Variants in PTPRD observed in about 807,000 individuals in gnomAD.
The protein encoded by PTPRD is receptor-type tyrosine-protein phosphatase delta.
Under a neutral mutation model 214.5 loss-of-function variants are expected in PTPRD, and 34 were observed. The ratio of observed to expected loss-of-function variants is 0.16; its 90% CI spans 0.12 to 0.21. The LOEUF (loss-of-function observed/expected upper bound fraction) is 0.21, where lower values mean the gene tolerates loss of function less well. Among genes scored for constraint, PTPRD ranks in the 10% least tolerant of loss-of-function variants. The pLI is 1.00. For missense variants in PTPRD, 2,545 were observed against 2,398.7 expected (o/e 1.06, Z -1.27); for synonymous variants, 1,128 against 845.7 (o/e 1.33, Z -5.79).
chr9:9,574,127 T>C (rs558046131), intron 8 of PTPRD, among the ~76,000 whole-genome samples: 6 of 152,064 alleles, frequency 3.9e-5, no homozygotes, highest in Non-Finnish European at 7.4e-5. Context: ...AATAAACTCA[T>C]ATTTATGTAT....
intron 10 of PTPRD, among the ~76,000 whole-genome samples, chr9:9,167,233 C>T (rs1307538888): frequency 2.0e-5 from 3 of 151,772 alleles, no homozygotes; most frequent in Admixed American, 6.6e-5. Flanking sequence ...TCACAATTAC[C>T]ATAGTAATGC....
At chr9:9,890,277 A>G (rs1566039822) in intron 5 of PTPRD, among the ~76,000 whole-genome samples, 1 of 151,858 alleles carries the variant, frequency 6.6e-6, no homozygotes, top group Non-Finnish European at 1.5e-5. Context: ...GGCTCACTGT[A>G]GCCTCCACTT....
At chr9:10,431,348 G>T (rs2098676206) in intron 2 of PTPRD, among the ~76,000 whole-genome samples, 1 of 151,904 alleles carries the variant, frequency 6.6e-6, no homozygotes, top group African/African-American at 2.4e-5. Context: ...GAAAACCTAG[G>T]CATTACCATT....
intron 11 of PTPRD, among the ~76,000 whole-genome samples, chr9:8,854,674 G>A (rs895425806): frequency 6.6e-6 from 1 of 152,152 alleles, no homozygotes; most frequent in Non-Finnish European, 1.5e-5. Context: ...ACTTAAAAAT[G>A]TATAGTGCGT....
chr9:9,203,555 C>T (rs563831960), intron 9 of PTPRD, among the ~76,000 whole-genome samples: 7 of 152,232 alleles, frequency 4.6e-5, no homozygotes, highest in African/African-American at 1.7e-4. Context: ...TTCTATCAGT[C>T]CCACTGTTAC....
intron 3 of PTPRD, among the ~76,000 whole-genome samples, chr9:10,292,760 T>A (rs1411875536): frequency 2.0e-5 from 3 of 151,922 alleles, no homozygotes; most frequent in African/African-American, 7.2e-5. Context: ...TGAATGACTG[T>A]AGGATTTTTC....
intron 4 of PTPRD, among the ~76,000 whole-genome samples, chr9:9,984,775 C>A (rs974720972): frequency 5.3e-5 from 8 of 152,054 alleles, no homozygotes; most frequent in Non-Finnish European, 1.2e-4. Context: ...GGTGCTGCTG[C>A]TGCTGTCTCT....
intron 7 of PTPRD, among the ~76,000 whole-genome samples, chr9:9,576,462 T>G (rs2088844222): frequency 1.3e-5 from 2 of 151,522 alleles, no homozygotes; most frequent in South Asian, 4.1e-4. Context: ...AGGATAGAGA[T>G]GATTTCAGGA....
intron 9 of PTPRD, among the ~76,000 whole-genome samples, chr9:9,308,553 T>C (rs1045415253): frequency 6.6e-6 from 1 of 152,198 alleles, no homozygotes; most frequent in Admixed American, 6.5e-5. Flanking sequence ...TCATCTGCTC[T>C]CATCTGGAAT....
rs562673790 is a variant in PTPRD at position 9,088,774 on chromosome 9, C to G, written c.-142-70039G>C. On this transcript the variant is annotated intron_variant, in intron 10 of 45. Transcript: ENST00000381196. ...AGTATTTGTGGAGGCTCTGAAAGAACTTATGCCTGTGAGCTCTGGAGTCAG... is the reference window on the plus strand; with the variant it reads ...AGTATTTGTGGAGGCTCTGAAAGAAGTTATGCCTGTGAGCTCTGGAGTCAG... Among the ~76,000 whole-genome samples the G allele has an allele frequency of 1.6e-4, 24 of 152,074 alleles. No homozygotes were observed. The South Asian group carries it at 4.8e-3, about 30-fold the overall frequency.
intron 5 of PTPRD, among the ~76,000 whole-genome samples, chr9:9,791,225 T>C (rs894835483): frequency 1.3e-5 from 2 of 152,148 alleles, no homozygotes; most frequent in South Asian, 2.1e-4. Context: ...CCTCAGTTAA[T>C]TGTGTTAGCT....
intron 12 of PTPRD, among the ~76,000 whole-genome samples, chr9:8,711,695 G>A (rs1468033305): frequency 6.6e-6 from 1 of 152,102 alleles, no homozygotes; most frequent in African/African-American, 2.4e-5. Context: ...GTTGGGAGGT[G>A]GGCCCAGGTA....
chr9:10,141,636 T>C (rs1418944525), intron 3 of PTPRD, among the ~76,000 whole-genome samples: 2 of 151,996 alleles, frequency 1.3e-5, no homozygotes, highest in African/African-American at 4.8e-5. Flanking sequence ...TCCATGCTCA[T>C]GGGTAGGAAC....
chr9:10,464,426 G>GAC (rs2098979927), intron 2 of PTPRD, among the ~76,000 whole-genome samples: 1 of 151,406 alleles, frequency 6.6e-6, no homozygotes, highest in Admixed American at 6.6e-5. Context: ...GAGAGAGAGA[G>GAC]AGAGACAGAG....
intron 5 of PTPRD, among the ~76,000 whole-genome samples, chr9:9,879,177 T>A (rs959854872): frequency 1.3e-5 from 2 of 152,240 alleles, no homozygotes; most frequent in Non-Finnish European, 1.5e-5. Flanking sequence ...GAAATTGTAA[T>A]CAGTAGTATT....
At chr9:8,942,568 G>A (rs112735167) in intron 11 of PTPRD, among the ~76,000 whole-genome samples, 81 of 152,236 alleles carry the variant, frequency 5.3e-4, no homozygotes, top group African/African-American at 1.8e-3. Context: ...AAGGGTTAAC[G>A]CTGGAGGAAG....
chr9:8,555,788 G>C (rs1262262796), intron 14 of PTPRD, among the ~76,000 whole-genome samples: 2 of 152,190 alleles, frequency 1.3e-5, no homozygotes, highest in Non-Finnish European at 2.9e-5. Flanking sequence ...ACACGTGTAG[G>C]GGAAGCACTG....
At chr9:8,413,596 C>T (rs12349513) in intron 35 of PTPRD, among the ~76,000 whole-genome samples, 2,590 of 152,168 alleles carry the variant, frequency 0.017, 68 homozygotes, top group African/African-American at 0.059. Context: ...GCCATTAATA[C>T]CATTAGTGCT....
At chr9:9,339,247 G>C (rs548585880) in intron 9 of PTPRD, among the ~76,000 whole-genome samples, 11 of 152,106 alleles carry the variant, frequency 7.2e-5, no homozygotes, top group African/African-American at 2.7e-4. Context: ...GGAGGCCGAG[G>C]CAGGTGGATC....
Sources: gnomAD v4.1 joint callset for allele counts (sites outside exome capture counted in the v4.1 genomes callset) on GRCh38, gnomAD v4.1.1 for gene constraint, MANE v1.5 for transcripts, NCBI Gene and HGNC (gene_info 2026-07-23, HGNC 2026-07-21) for gene names.